The following RYR2 variants were observed in gnomAD, a reference collection of about 807,000 sequenced individuals.
RYR2 encodes the protein ryanodine receptor 2, also known as cardiac muscle ryanodine receptor-calcium release channel.
Under a neutral mutation model 601.1 loss-of-function variants are expected in RYR2, and 227 were observed. That is an observed-to-expected ratio of 0.38 (90% CI 0.34 to 0.42). RYR2 has a LOEUF of 0.42. Ranked by LOEUF, RYR2 falls within the 10% of genes least tolerant of loss-of-function variation. The probability of loss-of-function intolerance (pLI) is 1.00; values close to 1 mark genes in which losing one functional copy is unlikely to be tolerated. For missense variants in RYR2, 4,646 were observed against 6,156.5 expected (o/e 0.75, Z 8.21); for synonymous variants, 2,223 against 2,175.1 (o/e 1.02, Z -0.61).
chr1:237,044,526 G>A (rs1475616358), intron 1 of RYR2, among the ~76,000 whole-genome samples: 1 of 152,100 alleles, frequency 6.6e-6, no homozygotes, highest in Non-Finnish European at 1.5e-5. Context: ...TTGATAAGTG[G>A]GTCCTGGGTA....
At chr1:237,195,209 C>T (rs1680417466) in intron 1 of RYR2, among the ~76,000 whole-genome samples, 1 of 152,162 alleles carries the variant, frequency 6.6e-6, no homozygotes, top group African/African-American at 2.4e-5. Context: ...GAAAAATAAA[C>T]TTCAATTCTG....
At chr1:237,742,220 A>G (rs534075544) in intron 79 of RYR2, 76 bp from the exon 80 acceptor site, 884 of 901,586 alleles carry the variant, frequency 9.8e-4, no homozygotes, top group Non-Finnish European at 1.2e-3. Flanking sequence ...TTGCTCTTCT[A>G]TGTCTAATGT....
chr1:237,351,621 ACCAAC>A (rs1237349257), intron 3 of RYR2, among the ~76,000 whole-genome samples: 1 of 152,006 alleles, frequency 6.6e-6, no homozygotes, highest in Non-Finnish European at 1.5e-5. Flanking sequence ...AATACAGTTT[ACCAAC>A]CCTAACACTA....
At chr1:237,613,947 C>T (rs752881879) in intron 36 of RYR2, 92 bp from the exon 37 acceptor site, 35 of 1,236,086 alleles carry the variant, frequency 2.8e-5, no homozygotes, top group Non-Finnish European at 3.8e-5. Flanking sequence ...TTTTTTCCTT[C>T]AAATTTACAG....
At chr1:237,069,851 T>G (rs545293573) in intron 1 of RYR2, among the ~76,000 whole-genome samples, 1 of 152,312 alleles carries the variant, frequency 6.6e-6, no homozygotes, top group Non-Finnish European at 1.5e-5. Context: ...CAATTGCATT[T>G]TATTAGAAAA....
At chr1:237,341,639 A>G (rs764992980) in intron 3 of RYR2, 6 of 516,780 alleles carry the variant, frequency 1.2e-5, no homozygotes, top group African/African-American at 3.8e-5. Context: ...CATGTTATGT[A>G]CTAGGTAGTA....
At chr1:237,658,281 A>G (rs1337880608) in intron 54 of RYR2, among the ~76,000 whole-genome samples, 1 of 143,772 alleles carries the variant, frequency 7.0e-6, no homozygotes, top group Non-Finnish European at 1.5e-5. Context: ...TATAGTTTCT[A>G]TAACATATAT....
intron 26 of RYR2, 108 bp from the exon 27 acceptor site, chr1:237,550,436 A>C: frequency 1.6e-6 from 2 of 1,239,764 alleles, no homozygotes; most frequent in Non-Finnish European, 2.3e-6. Context: ...GGATTGTGGA[A>C]GGGTCACGTT....
intron 3 of RYR2, among the ~76,000 whole-genome samples, chr1:237,350,228 A>G (rs369496818): frequency 5.2e-4 from 79 of 152,136 alleles, no homozygotes; most frequent in African/African-American, 1.8e-3. Flanking sequence ...AGGATGGTAA[A>G]GTTGTATGTG....
chr1:237,668,024 A>T, intron 58 of RYR2, 66 bp downstream of exon 58: 1 of 1,226,232 alleles, frequency 8.2e-7, no homozygotes, highest in East Asian at 2.6e-5. Flanking sequence ...GTATGGATGA[A>T]GTCGTCTTCA....
At chr1:237,238,049 C>T (rs1420385778) in intron 1 of RYR2, among the ~76,000 whole-genome samples, 1 of 149,250 alleles carries the variant, frequency 6.7e-6, no homozygotes, top group Non-Finnish European at 1.5e-5. Flanking sequence ...GCAGCCTCGA[C>T]CTCCAGATGA....
chr1:237,593,358 T>C, intron 32 of RYR2, 118 bp from the exon 33 acceptor site: 1 of 1,022,742 alleles, frequency 9.8e-7, no homozygotes. Flanking sequence ...CAAACGGTTT[T>C]AAACCAAGAA....
intron 25 of RYR2, among the ~76,000 whole-genome samples, chr1:237,534,382 T>A (rs1334054572): frequency 6.6e-6 from 1 of 152,040 alleles, no homozygotes; most frequent in Non-Finnish European, 1.5e-5. Context: ...GTGATAGACC[T>A]AACACAAATC....
intron 80 of RYR2, among the ~76,000 whole-genome samples, chr1:237,755,401 C>T (rs1233455062): frequency 6.6e-6 from 1 of 152,162 alleles, no homozygotes; most frequent in African/African-American, 2.4e-5. Flanking sequence ...GGACATGATA[C>T]TAATTGACTG....
At chr1:237,477,762 G>A (rs1447689296) in intron 17 of RYR2, among the ~76,000 whole-genome samples, 1 of 152,144 alleles carries the variant, frequency 6.6e-6, no homozygotes, top group Non-Finnish European at 1.5e-5. Context: ...GAGTAACTTA[G>A]TTCAATCTTC....
intron 12 of RYR2, among the ~76,000 whole-genome samples, chr1:237,439,883 A>T (rs1707747413): frequency 6.6e-6 from 1 of 152,142 alleles, no homozygotes; most frequent in Non-Finnish European, 1.5e-5. Flanking sequence ...AGATAATTAC[A>T]GTGTTCTATT....
chr1:237,803,729 T>G (rs568896564), intron 98 of RYR2, among the ~76,000 whole-genome samples: 1 of 152,334 alleles, frequency 6.6e-6, no homozygotes, highest in East Asian at 1.9e-4. Flanking sequence ...TTAGTATTTT[T>G]GTTCTTCTTA....
intron 1 of RYR2, among the ~76,000 whole-genome samples, chr1:237,127,072 C>T (rs1298432689): frequency 3.3e-5 from 5 of 151,662 alleles, no homozygotes; most frequent in Non-Finnish European, 5.9e-5. Flanking sequence ...GTGGACACAG[C>T]ACATGTTTCA....
At chr1:237,653,508 A>G (rs1328214822) in intron 51 of RYR2, among the ~76,000 whole-genome samples, 1 of 152,244 alleles carries the variant, frequency 6.6e-6, no homozygotes, top group Non-Finnish European at 1.5e-5. Context: ...AGTTACTTGT[A>G]AAATTGGGCG....
Sources: allele counts gnomAD v4.1 joint callset (sites outside exome capture counted in the v4.1 genomes callset), GRCh38; gene constraint gnomAD v4.1.1; transcripts MANE v1.5; gene names NCBI Gene and HGNC (gene_info 2026-07-23, HGNC 2026-07-21).